Variants in NETO2 observed in about 807,000 individuals in gnomAD.
NETO2 encodes neuropilin and tolloid-like protein 2.
A neutral mutation model predicts 62.5 loss-of-function variants in NETO2; 28 were observed. That is an observed-to-expected ratio of 0.45 (90% CI 0.33 to 0.61). NETO2 has a LOEUF of 0.61. NETO2 is among the 20% of genes least tolerant of loss of function. The pLI is 0.02. For missense variants in NETO2, 548 were observed against 643.2 expected, an observed-to-expected ratio of 0.85 and a Z score of 1.60; for synonymous variants, 214 against 219.1, an observed-to-expected ratio of 0.98 and a Z score of 0.21.
intron 4 of NETO2, among the ~76,000 whole-genome samples, chr16:47,127,968 C>T (rs916048192): frequency 8.5e-5 from 13 of 152,198 alleles, no homozygotes; most frequent in African/African-American, 2.4e-4. Context: ...AAAAATCATA[C>T]AAAACAATTT....
chr16:47,082,801 T>C lies in NETO2; in HGVS notation c.*420A>G, dbSNP rs117916748. On this transcript the variant is annotated 3_prime_UTR_variant, in exon 9 of 9. Coordinates refer to ENST00000562435, the MANE Select transcript of NETO2 (RefSeq NM_018092.5). ...CGATAGGCTTATAAAACAAATTAAA[T>C]TTAGAGAAAGGAAAAATAAAAGGAA... 1 of 158,822 alleles carries C rather than the reference T, an allele frequency of 6.3e-6. No homozygotes were observed. Among genetic ancestry groups the C allele is most frequent in the East Asian group, 1.9e-4 (1 of 5,366 alleles). 9.8% of individuals were successfully genotyped at this position (158,822 alleles called of 1,614,324 possible).
chr16:47,125,294 T>C (rs1338900128), intron 4 of NETO2, among the ~76,000 whole-genome samples: 1 of 152,084 alleles, frequency 6.6e-6, no homozygotes, highest in Non-Finnish European at 1.5e-5. Context: ...AGGCAGGATA[T>C]CCTGTCTTTC....
chr16:47,091,660 T>C (rs551582393), intron 7 of NETO2, among the ~76,000 whole-genome samples: 19 of 152,144 alleles, frequency 1.2e-4, no homozygotes, highest in East Asian at 3.9e-4. Context: ...GGGTACTTCA[T>C]TGTACCTAGA....
At chr16:47,138,140 G>A (rs1212814553) in intron 1 of NETO2, among the ~76,000 whole-genome samples, 8 of 152,076 alleles carry the variant, frequency 5.3e-5, no homozygotes, top group Non-Finnish European at 1.2e-4. Context: ...GGTGACTCAC[G>A]CCTGTAATCC....
chr16:47,109,525 G>T lies in NETO2; in HGVS notation c.841C>A (p.Arg281=). ...VIRMWADEGS[R]LSRFRMLFTS... ...AAGAGCATTCGAAACCTGCTAAGCC[G>T]ACTACCTTCATCTGCCCACATTCGA... The change falls in exon 7 of 9, where the codon CGG becomes AGG. Residue 281 remains arginine, a synonymous_variant. Coordinates refer to ENST00000562435, the MANE Select transcript of NETO2 (RefSeq NM_018092.5). 3 of 1,614,004 alleles carry T rather than the reference G, an allele frequency of 1.9e-6. No homozygotes were observed. Among genetic ancestry groups the T allele is most frequent in the Non-Finnish European group, 1.7e-6 (2 of 1,179,946 alleles).
At chr16:47,115,554 G>A (rs1963893441) in intron 6 of NETO2, among the ~76,000 whole-genome samples, 3 of 150,276 alleles carry the variant, frequency 2.0e-5, no homozygotes. Context: ...TTGAGACAGG[G>A]TCTCAGTTTG....
chr16:47,100,484 CA>C lies in NETO2; in HGVS notation c.883+8998del, dbSNP rs538875578. Among the ~76,000 whole-genome samples the C allele has an allele frequency of 2.1e-4, 30 of 145,886 alleles. 1 individual carries two copies. In the South Asian group the frequency reaches 5.4e-3, roughly 26 times the overall value. ...AGCAGAACTGAAGGAGACAGAGACA[CA>C]AAAAAAAACAAAAGCAATGAGTCCA... On this transcript the variant is annotated intron_variant, in intron 7 of 8. Coordinates refer to ENST00000562435, the MANE Select transcript of NETO2 (RefSeq NM_018092.5).
chr16:47,098,786 G>A (rs908346184), intron 7 of NETO2, among the ~76,000 whole-genome samples: 7 of 152,276 alleles, frequency 4.6e-5, no homozygotes, highest in Admixed American at 2.0e-4. Context: ...GAGAAAGGTC[G>A]GGTTACCCAC....
chr16:47,083,739 T>C lies in NETO2; in HGVS notation c.1060A>G (p.Thr354Ala), dbSNP rs1963123276. 1.2e-6 allele frequency: 2 copies of C among 1,613,072 alleles called. No individual in the cohort carries two copies. Among genetic ancestry groups the C allele is most frequent in the Non-Finnish European group, 1.7e-6 (2 of 1,179,168 alleles). Reference protein sequence around the residue: ...TKTHGTIIGITSGIVLVLLII... With the variant: ...TKTHGTIIGIASGIVLVLLII... ...AGAAGGACCAAGACAATCCCTGAAGTAATGCCAATAATTGTTCCATGAGTC... is the reference window on the plus strand; with the variant it reads ...AGAAGGACCAAGACAATCCCTGAAGCAATGCCAATAATTGTTCCATGAGTC... The change falls in exon 9 of 9, where the codon ACT becomes GCT. Residue 354 changes from threonine to alanine, a missense_variant. Transcript: ENST00000562435.
chr16:47,113,277 A>C (rs1224445442), intron 6 of NETO2, among the ~76,000 whole-genome samples: 1 of 152,164 alleles, frequency 6.6e-6, no homozygotes, highest in East Asian at 1.9e-4. Context: ...TGCTTGCTCT[A>C]CTCAATCCAC....
Position 47,128,417 on chromosome 16 carries a change from A to C in NETO2, c.389T>G (p.Ile130Ser), listed in dbSNP as rs1964198713. The C allele has an allele frequency of 1.2e-6, 2 of 1,613,984 alleles. No individual in the cohort carries two copies. The highest frequency in any genetic ancestry group is 1.7e-6 in the Non-Finnish European group (2 of 1,180,008). ...CCACATGAATCTCCCTGTTGATCTA[A>C]TTAATGGAGGGCTTTTCACGCCACA... ...RYCGVKSPPLIRSTGRFMWIK... is the reference protein window; with the variant it reads ...RYCGVKSPPLSRSTGRFMWIK... The change falls in exon 4 of 9, where the codon ATT (isoleucine) becomes AGT (serine). Residue 130 changes from isoleucine (I) to serine (S), a missense_variant. By Grantham distance (142) the Ile-to-Ser change is moderately radical. Coordinates refer to ENST00000562435, the MANE Select transcript of NETO2 (RefSeq NM_018092.5).
chr16:47,143,511 C>G, intron 1 of NETO2, 68 bp downstream of exon 1: 1 of 1,214,444 alleles, frequency 8.2e-7, no homozygotes, highest in Non-Finnish European at 1.0e-6. Flanking sequence ...CGCAGAGGCG[C>G]GGGCAGGGCG....
chr16:47,123,996 C>A (rs375404505), intron 4 of NETO2, among the ~76,000 whole-genome samples: 2 of 152,184 alleles, frequency 1.3e-5, no homozygotes, highest in South Asian at 2.1e-4. Flanking sequence ...TGCACCCGGA[C>A]TGGAAAATCT....
At chr16:47,130,506 T>C (rs1222805209) in intron 2 of NETO2, among the ~76,000 whole-genome samples, 2 of 151,488 alleles carry the variant, frequency 1.3e-5, no homozygotes, top group African/African-American at 4.8e-5. Flanking sequence ...AGATAAAGAC[T>C]ATGCAAGAAA....
chr16:47,143,166 T>C (rs1172120053), intron 1 of NETO2, among the ~76,000 whole-genome samples: 1 of 152,110 alleles, frequency 6.6e-6, no homozygotes, highest in Non-Finnish European at 1.5e-5. Context: ...TCTCGTGGAA[T>C]TACTTTTTGC....
At chr16:47,104,594 A>T (rs1187055291) in intron 7 of NETO2, among the ~76,000 whole-genome samples, 1 of 152,240 alleles carries the variant, frequency 6.6e-6, no homozygotes, top group African/African-American at 2.4e-5. Context: ...ACAAGAAAAA[A>T]GTTGGAGGAC....
intron 6 of NETO2, among the ~76,000 whole-genome samples, chr16:47,114,815 G>T (rs1045702530): frequency 6.6e-6 from 1 of 152,046 alleles, no homozygotes; most frequent in South Asian, 2.1e-4. Context: ...AACCCAGTAA[G>T]ATTCTTTTCA....
intron 4 of NETO2, among the ~76,000 whole-genome samples, chr16:47,124,589 G>T (rs555671279): frequency 1.3e-5 from 2 of 152,166 alleles, no homozygotes; most frequent in East Asian, 3.9e-4. Flanking sequence ...ACATGTGTTG[G>T]TTTTCTCTTT....
chr16:47,104,341 T>G (rs1157162815), intron 7 of NETO2, among the ~76,000 whole-genome samples: 1 of 152,232 alleles, frequency 6.6e-6, no homozygotes. Flanking sequence ...AAAACATTTG[T>G]ATGCTGAAAA....
Sources: allele counts gnomAD v4.1 joint callset (sites outside exome capture counted in the v4.1 genomes callset), GRCh38; gene constraint gnomAD v4.1.1; transcripts MANE v1.5; gene names NCBI Gene and HGNC (gene_info 2026-07-23, HGNC 2026-07-21).